Variants in EDIL3 observed in about 807,000 individuals in gnomAD.
EDIL3 encodes EGF-like repeat and discoidin I-like domain-containing protein 3.
Under a neutral mutation model 67.4 loss-of-function variants are expected in EDIL3, and 37 were observed. The ratio of observed to expected loss-of-function variants is 0.55; its 90% CI spans 0.42 to 0.72. The LOEUF is 0.72. Ranked by LOEUF, EDIL3 falls within the 30% of genes least tolerant of loss-of-function variation. EDIL3 has a pLI of 0.00. For missense variants in EDIL3, 527 were observed against 586.3 expected (o/e 0.90, Z 1.04); for synonymous variants, 195 against 196.3 (o/e 0.99, Z 0.05).
At chr5:84,252,411 G>A (rs1237341940) in intron 2 of EDIL3, among the ~76,000 whole-genome samples, 1 of 146,674 alleles carries the variant, frequency 6.8e-6, no homozygotes, top group Non-Finnish European at 1.5e-5. Context: ...GGAGAACGGT[G>A]TGAACCCGGG....
chr5:84,114,833 G>A (rs566225535), intron 5 of EDIL3, among the ~76,000 whole-genome samples: 1 of 152,042 alleles, frequency 6.6e-6, no homozygotes, highest in Non-Finnish European at 1.5e-5. Flanking sequence ...ATTTTATTAC[G>A]ACCTATATTC....
chr5:84,275,202 G>A (rs975239797), intron 1 of EDIL3, among the ~76,000 whole-genome samples: 2 of 152,058 alleles, frequency 1.3e-5, no homozygotes, highest in African/African-American at 4.8e-5. Context: ...TGTTAAGCGT[G>A]GAAAAAACTG....
chr5:84,270,419 C>A (rs1745445241), intron 1 of EDIL3, among the ~76,000 whole-genome samples: 1 of 152,160 alleles, frequency 6.6e-6, no homozygotes, highest in Admixed American at 6.5e-5. Flanking sequence ...CTGTTTAACT[C>A]ATAAGCCTAA....
At chr5:84,022,253 A>C (rs534763744) in intron 9 of EDIL3, among the ~76,000 whole-genome samples, 1 of 152,058 alleles carries the variant, frequency 6.6e-6, no homozygotes, top group African/African-American at 2.4e-5. Context: ...GCAAAGATTT[A>C]TAATGAGGAT....
At chr5:84,298,180 C>T (rs113310433) in intron 1 of EDIL3, among the ~76,000 whole-genome samples, 1,877 of 152,208 alleles carry the variant, frequency 0.012, 36 homozygotes, top group African/African-American at 0.042. Flanking sequence ...TACATGCACG[C>T]GTGTATTCCT....
At chr5:84,363,771 T>C (rs863105) in intron 1 of EDIL3, among the ~76,000 whole-genome samples, 3 of 152,170 alleles carry the variant, frequency 2.0e-5, no homozygotes, top group Non-Finnish European at 2.9e-5. Flanking sequence ...TGTATAAATT[T>C]GTATGGATAA....
At chr5:84,167,568 T>C (rs954731317) in intron 4 of EDIL3, among the ~76,000 whole-genome samples, 5 of 152,156 alleles carry the variant, frequency 3.3e-5, no homozygotes, top group Admixed American at 1.3e-4. Context: ...TTTCTTTTAC[T>C]ATGATGAAAG....
At chr5:84,354,459 C>T (rs1747432970) in intron 1 of EDIL3, among the ~76,000 whole-genome samples, 1 of 151,946 alleles carries the variant, frequency 6.6e-6, no homozygotes, top group African/African-American at 2.4e-5. Flanking sequence ...GAGTTCGAGA[C>T]CAGACTGGCC....
intron 9 of EDIL3, among the ~76,000 whole-genome samples, chr5:83,968,478 A>G (rs1007410210): frequency 2.0e-5 from 3 of 152,086 alleles, no homozygotes; most frequent in African/African-American, 7.2e-5. Flanking sequence ...TAATCTGTCA[A>G]AGGATGAAGT....
chr5:83,987,869 G>GTATATATATATATATATATATA (rs34360330), intron 9 of EDIL3, among the ~76,000 whole-genome samples: 114 of 138,374 alleles, frequency 8.2e-4, no homozygotes, highest in African/African-American at 3.0e-3. Context: ...GTGTGTGTAT[G>GTATATATATATATATATATATA]TATATATATA....
chr5:83,956,014 A>C (rs566828520), intron 10 of EDIL3, among the ~76,000 whole-genome samples: 2 of 151,956 alleles, frequency 1.3e-5, no homozygotes, highest in African/African-American at 4.8e-5. Flanking sequence ...ATGACTTCTT[A>C]AAAAATCACT....
chr5:84,199,617 T>C (rs1437777233), intron 3 of EDIL3, among the ~76,000 whole-genome samples: 1 of 152,066 alleles, frequency 6.6e-6, no homozygotes, highest in Non-Finnish European at 1.5e-5. Context: ...TTTAACTTTG[T>C]TTCTTTTACC....
At chr5:84,266,541 A>T (rs1350323096) in intron 1 of EDIL3, among the ~76,000 whole-genome samples, 1 of 152,178 alleles carries the variant, frequency 6.6e-6, no homozygotes, top group African/African-American at 2.4e-5. Flanking sequence ...GCTTCAAGTT[A>T]TATAAAACCT....
At chr5:84,291,700 ATC>A (rs202024482) in intron 1 of EDIL3, among the ~76,000 whole-genome samples, 1 of 144,068 alleles carries the variant, frequency 6.9e-6, no homozygotes, top group Admixed American at 7.3e-5. Flanking sequence ...CTATATATCT[ATC>A]TATGTAGATC....
chr5:84,133,526 C>T (rs1748034683), intron 5 of EDIL3, among the ~76,000 whole-genome samples: 1 of 149,680 alleles, frequency 6.7e-6, no homozygotes, highest in South Asian at 2.1e-4. Flanking sequence ...GTGCCAGCTG[C>T]TAGGGAGGCT....
chr5:84,340,811 C>G (rs2112177157), intron 1 of EDIL3, among the ~76,000 whole-genome samples: 1 of 151,638 alleles, frequency 6.6e-6, no homozygotes, highest in Middle Eastern at 3.4e-3. Context: ...AATTTCAATG[C>G]TTTCCTGACT....
At chr5:84,082,875 T>C (rs1746996600) in intron 6 of EDIL3, among the ~76,000 whole-genome samples, 1 of 152,160 alleles carries the variant, frequency 6.6e-6, no homozygotes, top group African/African-American at 2.4e-5. Flanking sequence ...AACCAGATTA[T>C]TGAATATTAG....
chr5:83,974,248 T>C (rs527331187), intron 9 of EDIL3, among the ~76,000 whole-genome samples: 11 of 151,686 alleles, frequency 7.3e-5, no homozygotes, highest in Non-Finnish European at 1.3e-4. Context: ...TCAAAGGAAG[T>C]GGAAGGGGCA....
intron 3 of EDIL3, among the ~76,000 whole-genome samples, chr5:84,227,320 G>A (rs1034565253): frequency 6.6e-6 from 1 of 151,846 alleles, no homozygotes; most frequent in African/African-American, 2.4e-5. Flanking sequence ...AAGCCAACAA[G>A]CATGTGAAAA....
Sources: allele counts gnomAD v4.1 joint callset (sites outside exome capture counted in the v4.1 genomes callset), GRCh38; gene constraint gnomAD v4.1.1; transcripts MANE v1.5; gene names NCBI Gene and HGNC (gene_info 2026-07-23, HGNC 2026-07-21).